The following PZP variants were observed in gnomAD, a reference collection of about 807,000 sequenced individuals.
The protein encoded by PZP is PZP alpha-2-macroglobulin like.
Under a neutral mutation model 179.8 loss-of-function variants are expected in PZP, and 150 were observed. The observed-to-expected ratio is 0.83, with a 90% CI of 0.73 to 0.96. The LOEUF (loss-of-function observed/expected upper bound fraction) is 0.96, where lower values mean the gene tolerates loss of function less well. Among genes scored for constraint, PZP ranks in the 40% least tolerant of loss-of-function variants. The pLI is 0.00. For synonymous variants in PZP, 624 were observed against 652.3 expected (o/e 0.96, Z 0.66); for missense variants, 1,689 against 1,764.0 (o/e 0.96, Z 0.76).
Position 9,203,777 on chromosome 12 carries a change from G to A in PZP, c.258C>T (p.Val86=), listed in dbSNP as rs1180940362. 1.2e-6 allele frequency: 2 copies of A among 1,614,126 alleles called. No homozygotes were observed. The highest frequency in any genetic ancestry group is 1.1e-5 in the South Asian group (1 of 91,076). The change falls in exon 2 of 36, where the codon GTC becomes GTT. Residue 86 remains valine (V), a synonymous_variant. Coordinates refer to ENST00000261336, the MANE Select transcript of PZP (RefSeq NM_002864.3). ...GCACCGTAGCACTCACAGTGAAGGA[G>A]ACACAGTGGAATAAGTCCTTCTCCG... ...LVAEKDLFHC[V]SFTLPRISAS...
chr12:9,161,157 G>T, intron 22 of PZP, 41 bp from the exon 23 acceptor site: 1 of 1,441,670 alleles, frequency 6.9e-7, no homozygotes, highest in Non-Finnish European at 9.5e-7. Flanking sequence ...GGACATCTAT[G>T]ATTACAATAT....
the PZP span, among the ~76,000 whole-genome samples, chr12:9,138,954 A>T: frequency 6.8e-6 from 1 of 146,376 alleles, no homozygotes; most frequent in Middle Eastern, 3.6e-3. Context: ...AATTTTTGTT[A>T]TTTCTTTCTC....
rs775970774 is a variant in PZP at position 9,156,961 on chromosome 12, CATGTGCAGG to C, written c.3550+205_3550+213del. 1.0e-3 allele frequency among the ~76,000 whole-genome samples: 154 copies of C among 151,638 alleles called. 4 individuals are homozygous for C. The highest frequency in any genetic ancestry group is 9.9e-3 in the Admixed American group (151 of 15,206). On this transcript the variant is annotated intron_variant, in intron 28 of 35. Transcript: ENST00000261336. Reference sequence around the variant, plus strand: ...TTATTTTATTTTAAGTTCTGGGGTACATGTGCAGGATGTGCAGGTTTGTTACATAGGTGT... The same window carrying C: ...TTATTTTATTTTAAGTTCTGGGGTACATGTGCAGGTTTGTTACATAGGTGT...
At chr12:9,155,923 C>A in intron 28 of PZP, 1 of 160,272 alleles carries the variant, frequency 6.2e-6, no homozygotes, top group South Asian at 1.9e-4. Context: ...TCTATGGAGT[C>A]ACACCATCCT....
At chr12:9,193,998 C>A in intron 11 of PZP, 79 bp downstream of exon 11, 1 of 1,283,740 alleles carries the variant, frequency 7.8e-7, no homozygotes. Flanking sequence ...CTCTTAAATG[C>A]AATCTGTACA....
chr12:9,194,812 T>G (rs915421457), intron 10 of PZP, among the ~76,000 whole-genome samples: 2 of 152,126 alleles, frequency 1.3e-5, no homozygotes. Context: ...TAATATGCAC[T>G]TGGAATAAGA....
At position 9,175,968 on chromosome 12, in the gene PZP, A is replaced by G. The variant is rs764873100; in HGVS notation, c.1839+5015T>C. On this transcript the variant is annotated intron_variant, in intron 15 of 35. Transcript: ENST00000261336. ...CAATTCCATTACTGGGTGTATAGCC[A>G]TAGGAATATAAATTATTCTGTTATA... is the stretch of plus-strand genomic sequence containing the variant. 5.3e-5 allele frequency among the ~76,000 whole-genome samples: 8 copies of G among 152,358 alleles called. No homozygotes were observed. The East Asian group carries it at 1.3e-3, about 26-fold the overall frequency.
At chr12:9,204,367 A>G (rs1186489022) in intron 1 of PZP, among the ~76,000 whole-genome samples, 2 of 152,236 alleles carry the variant, frequency 1.3e-5, no homozygotes, top group African/African-American at 4.8e-5. Flanking sequence ...AAAAGGACTT[A>G]CATTAAAATC....
intron 13 of PZP, among the ~76,000 whole-genome samples, chr12:9,187,233 C>T (rs758702326): frequency 6.6e-6 from 1 of 152,240 alleles, no homozygotes; most frequent in East Asian, 1.9e-4. Flanking sequence ...CAGACTCCCA[C>T]ACAATAATAT....
At chr12:9,183,151 T>C (rs545210399) in intron 13 of PZP, among the ~76,000 whole-genome samples, 1 of 152,198 alleles carries the variant, frequency 6.6e-6, no homozygotes, top group Non-Finnish European at 1.5e-5. Flanking sequence ...TCTAATACCC[T>C]TAGGAATATT....
At chr12:9,188,559 C>A (rs11049333) in intron 13 of PZP, among the ~76,000 whole-genome samples, 85,199 of 151,976 alleles carry the variant, frequency 0.56, 23,921 homozygotes, top group Admixed American at 0.63. Context: ...AGGGCATCAG[C>A]ATAGGAAGAG....
chr12:9,164,848 G>T (rs1941472906), intron 19 of PZP, among the ~76,000 whole-genome samples: 1 of 152,198 alleles, frequency 6.6e-6, no homozygotes, highest in Admixed American at 6.5e-5. Flanking sequence ...TTGTGTGTCA[G>T]CTTCAAGAAT....
Position 9,164,245 on chromosome 12 carries a change from C to T in PZP, c.2502G>A (p.Leu834=), listed in dbSNP as rs1369030824. The T allele has an allele frequency of 1.2e-6, 2 of 1,613,240 alleles. No homozygotes were observed. The highest frequency in any genetic ancestry group is 2.2e-5 in the East Asian group (1 of 44,870). The change falls in exon 20 of 36, where the codon CTG becomes CTA. Residue 834 remains leucine (L), a synonymous_variant. Coordinates refer to ENST00000261336, the MANE Select transcript of PZP (RefSeq NM_002864.3). ...LPKCIRVSVQ[L]KASPAFLASQ... Reference sequence around the variant, plus strand: ...AAGCTAGGAAGGCTGGAGAGGCTTTCAGCTGCACACTGACCTATCACCCCA... The same window carrying T: ...AAGCTAGGAAGGCTGGAGAGGCTTTTAGCTGCACACTGACCTATCACCCCA...
In PZP at chr12:9,165,824, T is replaced by C. The variant is rs779255574; in HGVS notation, c.2258+228A>G. ...TAGAACTGAATATTTATAGTTCTCATGTCTACTATTTGACAGTATCAGAAA... is the reference window on the plus strand; with the variant it reads ...TAGAACTGAATATTTATAGTTCTCACGTCTACTATTTGACAGTATCAGAAA... On this transcript the variant is annotated intron_variant, in intron 18 of 35. Transcript: ENST00000261336. Among the ~76,000 whole-genome samples the C allele has an allele frequency of 1.9e-4, 29 of 152,346 alleles. 1 individual carries two copies. The highest frequency in any genetic ancestry group is 6.5e-4 in the African/African-American group (27 of 41,566).
rs750449608 is a variant in PZP at position 9,151,592 on chromosome 12, C to CA, written c.4281+11dup. On this transcript the variant is annotated intron_variant, in intron 33 of 35. Coordinates refer to ENST00000261336, the MANE Select transcript of PZP (RefSeq NM_002864.3). ...CCATATGTAGTCTCAGCCAGGATGT[C>CA]AGAGCCCTCACCTGTTCCACATAAA... 5.7e-4 allele frequency: 916 copies of CA among 1,611,400 alleles called. 11 individuals carry two copies. The South Asian group carries it at 9.6e-3, about 17-fold the overall frequency.
In PZP at chr12:9,169,433, G is replaced by T; in HGVS notation, c.1998C>A (p.Leu666=). 1 of 1,591,198 alleles carries T rather than the reference G, an allele frequency of 6.3e-7. No homozygotes were observed. The highest frequency in any genetic ancestry group is 1.4e-5 in the African/African-American group (1 of 73,630). The stretch of plus-strand genomic sequence containing the variant: ...TAATAAGTAGTGAGAATTTTACCTT[G>T]AGGAAGCTATAAATATCTGCTTCAT... The part of the protein sequence containing the change: ...SSNEADIYSF[L]KGMGLKVFTN... Residue 666 remains leucine (L), a synonymous_variant, in exon 16 of 36, where the codon CTC becomes CTA. Transcript: ENST00000261336.
At chr12:9,140,062 G>A in the PZP span, among the ~76,000 whole-genome samples, 2 of 152,148 alleles carry the variant, frequency 1.3e-5, no homozygotes, top group Admixed American at 6.5e-5. Context: ...TGGCTGGGGA[G>A]GGGTTTATTT....
downstream of PZP, among the ~76,000 whole-genome samples, chr12:9,146,952 T>TA (rs755237971): frequency 2.0e-4 from 31 of 152,158 alleles, no homozygotes; most frequent in South Asian, 5.4e-3. Flanking sequence ...AGCTGGGATT[T>TA]AAAAAAATCC....
chr12:9,186,437 C>T (rs1440642949), intron 13 of PZP, among the ~76,000 whole-genome samples: 3 of 152,040 alleles, frequency 2.0e-5, no homozygotes, highest in Non-Finnish European at 4.4e-5. Context: ...ACTAAATGCC[C>T]CAATTAAGAG....
Sources: allele counts gnomAD v4.1 joint callset (sites outside exome capture counted in the v4.1 genomes callset), GRCh38; gene constraint gnomAD v4.1.1; transcripts MANE v1.5; gene names NCBI Gene and HGNC (gene_info 2026-07-23, HGNC 2026-07-21).